Variants in AHCYL2 observed in about 807,000 individuals in gnomAD.
AHCYL2 encodes adenosylhomocysteinase like 2, also known as S-adenosylhomocysteine hydrolase-like protein 2.
Under a neutral mutation model 81.4 loss-of-function variants are expected in AHCYL2, and 28 were observed. The observed-to-expected ratio is 0.34, with a 90% confidence interval of 0.25 to 0.47. The LOEUF (loss-of-function observed/expected upper bound fraction) is 0.47, where lower values mean the gene tolerates loss of function less well. Ranked by LOEUF, AHCYL2 falls within the 20% of genes least tolerant of loss-of-function variation. The pLI is 1.00. For synonymous variants in AHCYL2, 272 were observed against 290.2 expected, an observed-to-expected ratio of 0.94 and a Z score of 0.64; for missense variants, 551 against 785.1, an observed-to-expected ratio of 0.70 and a Z score of 3.56.
intron 12 of AHCYL2, among the ~76,000 whole-genome samples, chr7:129,415,547 G>C (rs768157564): frequency 6.6e-6 from 1 of 151,990 alleles, no homozygotes; most frequent in Non-Finnish European, 1.5e-5. Flanking sequence ...CACAGGCCAG[G>C]CACGGTGGCT....
chr7:129,267,757 A>T (rs1293886612), intron 1 of AHCYL2, among the ~76,000 whole-genome samples: 1 of 152,166 alleles, frequency 6.6e-6, no homozygotes, highest in Non-Finnish European at 1.5e-5. Context: ...AGTAGAAAAG[A>T]GGGAATCTTG....
At position 129,406,458 on chromosome 7, in the gene AHCYL2, G is replaced by A. The variant is rs747019756; in HGVS notation, c.1287G>A (p.Leu429=). 2.5e-6 allele frequency: 4 copies of A among 1,613,990 alleles called. No individual in the cohort carries two copies. Among genetic ancestry groups the A allele is most frequent in the Non-Finnish European group, 3.4e-6 (4 of 1,179,976 alleles). ...CTGAAATTGACCCCATCTGTGCCCT[G>A]CAAGCCTGGTAAGCCTCTACGCTAC... ...YVTEIDPICA[L]QACMDGFRLV... is the part of the protein sequence containing the mutation. The change falls in exon 10 of 17, where the codon CTG becomes CTA. Residue 429 remains leucine, a synonymous_variant. Transcript: ENST00000325006. The surrounding 1 kb of genome is among the most constrained non-coding windows in gnomAD (Gnocchi z 4.3).
intron 1 of AHCYL2, among the ~76,000 whole-genome samples, chr7:129,350,485 G>A (rs2150829108): frequency 6.6e-6 from 1 of 151,598 alleles, no homozygotes; most frequent in Middle Eastern, 3.4e-3. Flanking sequence ...CCGGGTTCAA[G>A]GGATTCTTTC....
At chr7:129,267,227 A>AGG (rs1467034296) in intron 1 of AHCYL2, among the ~76,000 whole-genome samples, 132 of 52,604 alleles carry the variant, frequency 2.5e-3, no homozygotes, top group African/African-American at 8.4e-3. Flanking sequence ...AGTTCACTCA[A>AGG]GGGGTGTGTG....
intron 1 of AHCYL2, among the ~76,000 whole-genome samples, chr7:129,269,819 A>G (rs1200653833): frequency 6.6e-6 from 1 of 152,206 alleles, no homozygotes; most frequent in Non-Finnish European, 1.5e-5. Context: ...ATTCATGCTT[A>G]TATCCTTATC....
chr7:129,249,124 A>G (rs941604891), intron 1 of AHCYL2, among the ~76,000 whole-genome samples: 32 of 151,280 alleles, frequency 2.1e-4, no homozygotes, highest in African/African-American at 7.5e-4. Flanking sequence ...CAGCCCCCGG[A>G]GTAGCTGGGA....
At chr7:129,420,400 T>C (rs1797057799) in intron 12 of AHCYL2, among the ~76,000 whole-genome samples, 1 of 152,124 alleles carries the variant, frequency 6.6e-6, no homozygotes, top group Non-Finnish European at 1.5e-5. Context: ...TTAACCTCCA[T>C]GGCACTAAGC....
chr7:129,317,740 G>A (rs1483908886), intron 1 of AHCYL2, among the ~76,000 whole-genome samples: 1 of 152,148 alleles, frequency 6.6e-6, no homozygotes, highest in Non-Finnish European at 1.5e-5. Context: ...GCAGATCTGA[G>A]CAACACATCT....
At chr7:129,230,555 A>G (rs1055186060) in intron 1 of AHCYL2, among the ~76,000 whole-genome samples, 2 of 151,702 alleles carry the variant, frequency 1.3e-5, no homozygotes, top group Non-Finnish European at 2.9e-5. Context: ...TTCGAAACTC[A>G]GGATGAACCT....
intron 1 of AHCYL2, among the ~76,000 whole-genome samples, chr7:129,304,675 A>G (rs1314799273): frequency 1.3e-5 from 2 of 151,922 alleles, no homozygotes; most frequent in Non-Finnish European, 2.9e-5. Flanking sequence ...CTTGAAATCT[A>G]TTTTGTCTGA....
chr7:129,238,805 G>C (rs551647439), intron 1 of AHCYL2, among the ~76,000 whole-genome samples: 30 of 152,252 alleles, frequency 2.0e-4, no homozygotes, highest in African/African-American at 7.0e-4. Flanking sequence ...ACAGAAGTTA[G>C]TCAGGCGTGG....
intron 1 of AHCYL2, among the ~76,000 whole-genome samples, chr7:129,343,647 G>A (rs187221746): frequency 2.6e-5 from 4 of 152,230 alleles, no homozygotes; most frequent in Admixed American, 2.0e-4. Context: ...GGGGCAAAGT[G>A]AACTTTGTTT....
intron 1 of AHCYL2, among the ~76,000 whole-genome samples, chr7:129,271,162 C>G (rs928280355): frequency 1.3e-5 from 2 of 151,560 alleles, no homozygotes; most frequent in Non-Finnish European, 1.5e-5. Context: ...GGAGATGAGA[C>G]CATCCTGGCT....
chr7:129,285,850 A>G (rs979338431), intron 1 of AHCYL2, among the ~76,000 whole-genome samples: 1 of 152,010 alleles, frequency 6.6e-6, no homozygotes, highest in Admixed American at 6.6e-5. Context: ...AGCTGGGACT[A>G]TAGGTGTGTG....
At chr7:129,324,144 A>G (rs1166596299) in intron 1 of AHCYL2, among the ~76,000 whole-genome samples, 1 of 152,132 alleles carries the variant, frequency 6.6e-6, no homozygotes, top group African/African-American at 2.4e-5. Context: ...TGGTGTCCCA[A>G]AGTGCTGGGA....
chr7:129,290,567 G>A (rs1796809082), intron 1 of AHCYL2, among the ~76,000 whole-genome samples: 2 of 151,926 alleles, frequency 1.3e-5, no homozygotes, highest in Non-Finnish European at 2.9e-5. Context: ...TTTCCTGTGT[G>A]AGCTGAAGAA....
rs548968865 is a variant in AHCYL2, at chr7:129,368,813, C to T, written c.364-10825C>T. Among the ~76,000 whole-genome samples the T allele has an allele frequency of 2.6e-5, 4 of 152,208 alleles. No individual in the cohort carries two copies. The highest frequency in any genetic ancestry group is 3.9e-4 in the East Asian group (2 of 5,186). ...TCTCTGGTGGGCAGGGGCTTTCCTC[C>T]GGCTGCTGGTGTGATGTATGGGTTG... is the stretch of plus-strand genomic sequence containing the variant. On this transcript the variant is annotated intron_variant, in intron 1 of 16. Coordinates refer to ENST00000325006, the MANE Select transcript of AHCYL2 (RefSeq NM_015328.4). The surrounding 1 kb of genome is among the most constrained non-coding windows in gnomAD (Gnocchi z 4.4).
chr7:129,353,799 A>C (rs1384450646), intron 1 of AHCYL2, among the ~76,000 whole-genome samples: 1 of 151,476 alleles, frequency 6.6e-6, no homozygotes, highest in African/African-American at 2.4e-5. Flanking sequence ...TGAAGAGGAC[A>C]CAGAGACTAG....
Position 129,389,064 on chromosome 7 carries a change from T to A in AHCYL2, c.484T>A (p.Tyr162Asn). Residue 162 changes from tyrosine (Y) to asparagine (N), a missense_variant, in exon 3 of 17, where the codon TAT becomes AAT. Physicochemically the swap from Tyr to Asn is moderately radical, Grantham distance 143 (BLOSUM62 -2). Coordinates refer to ENST00000325006, the MANE Select transcript of AHCYL2 (RefSeq NM_015328.4). ...TTATTCTGTCATTCCAGCGGCTTCA[T>A]ATACAGATAGCTCTGATGATGAGAC... ...STDSYSSAAS[Y>N]TDSSDDETSP... 6.2e-7 allele frequency: 1 copy of A among 1,611,616 alleles called. No individual in the cohort carries two copies. The highest frequency in any genetic ancestry group is 8.5e-7 in the Non-Finnish European group (1 of 1,179,332).
Sources: gnomAD v4.1 joint callset for allele counts (sites outside exome capture counted in the v4.1 genomes callset) on GRCh38, gnomAD v4.1.1 for gene constraint, Gnocchi (gnomAD v3.1) non-coding constraint, MANE v1.5 for transcripts, NCBI Gene and HGNC (gene_info 2026-07-23, HGNC 2026-07-21) for gene names.